TBC1D5: variants seen among roughly 807,000 people sequenced by gnomAD.
TBC1D5 encodes the protein TBC1 domain family member 5, also known as TBC1 domain family, member 5.
Under a neutral mutation model 100.3 loss-of-function variants are expected in TBC1D5, and 75 were observed. That is an observed-to-expected ratio of 0.75 (90% confidence interval 0.62 to 0.91). The LOEUF (loss-of-function observed/expected upper bound fraction) is 0.91, where lower values mean the gene tolerates loss of function less well. Among genes scored for constraint, TBC1D5 ranks in the 40% least tolerant of loss-of-function variants. The pLI, the probability that TBC1D5 is intolerant of heterozygous loss-of-function variation, is 0.00. For synonymous variants in TBC1D5, 323 were observed against 325.6 expected (o/e 0.99, Z 0.09); for missense variants, 910 against 942.4 (o/e 0.97, Z 0.45).
At chr3:17,211,021 T>C (rs1210260214) in intron 18 of TBC1D5, among the ~76,000 whole-genome samples, 1 of 152,202 alleles carries the variant, frequency 6.6e-6, no homozygotes, top group Admixed American at 6.5e-5. Flanking sequence ...TATTAAAATA[T>C]GATTTTTGTT....
intron 1 of TBC1D5, among the ~76,000 whole-genome samples, chr3:17,706,869 T>TA (rs1267188016): frequency 2.8e-4 from 43 of 151,070 alleles, no homozygotes; most frequent in Admixed American, 6.6e-4. Flanking sequence ...CTTTTTTTTT[T>TA]AAAAAAAGTC....
rs905325127 is a variant in TBC1D5, at chr3:17,590,595, C to G, written c.-36+33254G>C. On this transcript the variant is annotated intron_variant, in intron 2 of 21. Transcript: ENST00000253692. ...AGATTTGTGAGGGCAGCACCTGCAT[C>G]TTTCAAGAGCCCTATAATTGCTCTT... is the stretch of plus-strand genomic sequence containing the variant. Among the ~76,000 whole-genome samples the G allele has an allele frequency of 2.6e-5, 4 of 152,154 alleles. No individual in the cohort carries two copies. The South Asian group carries it at 6.2e-4, about 24-fold the overall frequency.
At chr3:17,437,482 A>C (rs1204813638) in intron 3 of TBC1D5, among the ~76,000 whole-genome samples, 1 of 152,110 alleles carries the variant, frequency 6.6e-6, no homozygotes, top group South Asian at 2.1e-4. Flanking sequence ...TCTACCACCC[A>C]CATCTATTAC....
At chr3:17,234,431 GAA>G (rs36030574) in intron 17 of TBC1D5, among the ~76,000 whole-genome samples, 1 of 144,800 alleles carries the variant, frequency 6.9e-6, no homozygotes. Flanking sequence ...AAGGAAACAG[GAA>G]AAAAAAAAAA....
chr3:17,573,661 G>C (rs1337026827), intron 2 of TBC1D5, among the ~76,000 whole-genome samples: 1 of 151,786 alleles, frequency 6.6e-6, no homozygotes, highest in African/African-American at 2.4e-5. Context: ...CCATTTCTGG[G>C]CCACCCCAGG....
chr3:17,301,779 G>C (rs2082869734), intron 14 of TBC1D5, among the ~76,000 whole-genome samples: 1 of 152,176 alleles, frequency 6.6e-6, no homozygotes, highest in Admixed American at 6.5e-5. Flanking sequence ...CTGAAAATAG[G>C]AGTAAGATTT....
chr3:17,161,029 G>A, exon 22 of TBC1D5: 1 of 1,614,250 alleles, frequency 6.2e-7, no homozygotes. Flanking sequence ...CAGGACTGGA[G>A]CTGGGGTTGC....
intron 13 of TBC1D5, among the ~76,000 whole-genome samples, chr3:17,313,314 C>T (rs1230566677): frequency 6.6e-6 from 1 of 152,110 alleles, no homozygotes; most frequent in African/African-American, 2.4e-5. Flanking sequence ...ATTAAATATA[C>T]AAAGAGTTAA....
intron 4 of TBC1D5, among the ~76,000 whole-genome samples, chr3:17,407,871 C>T (rs1179444109): frequency 6.6e-6 from 1 of 152,100 alleles, no homozygotes; most frequent in Non-Finnish European, 1.5e-5. Flanking sequence ...ATCACCACTC[C>T]ACAAAAATTT....
chr3:17,508,454 T>C lies in TBC1D5; in HGVS notation c.97+20A>G. 1 of 1,588,574 alleles carries C rather than the reference T, an allele frequency of 6.3e-7. No individual in the cohort carries two copies. Among genetic ancestry groups the C allele is most frequent in the Non-Finnish European group, 8.6e-7 (1 of 1,157,190 alleles). ...TTCCCAGTACACTACCTACAAATAG[T>C]ATTGGCATACAAAACTCACCTCCAG... On this transcript the variant is annotated intron_variant, in intron 3 of 21. Transcript: ENST00000253692.
Position 17,299,585 on chromosome 3 carries a change from G to A in TBC1D5, c.1139-7584C>T, listed in dbSNP as rs551641217. Among the ~76,000 whole-genome samples, 4 of 152,258 alleles carry A rather than the reference G, an allele frequency of 2.6e-5. No homozygotes were observed. In the South Asian group the frequency reaches 8.3e-4, roughly 32 times the overall value. On this transcript the variant is annotated intron_variant, in intron 14 of 21. Transcript: ENST00000253692. The stretch of plus-strand genomic sequence containing the variant: ...AAAAAATGTGTCATTCTGGCCGGGT[G>A]CGGTGGCTCACGCCTGTAATCCCAG...
At chr3:17,570,761 G>A (rs1349377292) in intron 2 of TBC1D5, among the ~76,000 whole-genome samples, 1 of 151,806 alleles carries the variant, frequency 6.6e-6, no homozygotes, top group Non-Finnish European at 1.5e-5. Context: ...TTATTGTACT[G>A]CAGTATCATA....
chr3:17,440,662 G>A (rs1437291397), intron 3 of TBC1D5, among the ~76,000 whole-genome samples: 1 of 151,876 alleles, frequency 6.6e-6, no homozygotes, highest in Non-Finnish European at 1.5e-5. Context: ...TGTTTTTTGA[G>A]GCAGAGTCTC....
chr3:17,345,473 GA>G (rs1165874903), intron 13 of TBC1D5, among the ~76,000 whole-genome samples: 4 of 152,232 alleles, frequency 2.6e-5, no homozygotes, highest in African/African-American at 9.6e-5. Flanking sequence ...CTGTTGGTGG[GA>G]CGGTAAACTA....
intron 1 of TBC1D5, among the ~76,000 whole-genome samples, chr3:17,680,233 C>T (rs901674124): frequency 6.7e-6 from 1 of 148,948 alleles, no homozygotes; most frequent in Non-Finnish European, 1.5e-5. Context: ...TATGTATATT[C>T]GCTTTTTTTT....
At chr3:17,337,329 G>A (rs977912165) in intron 13 of TBC1D5, 3 of 151,990 alleles carry the variant, frequency 2.0e-5, no homozygotes, top group Admixed American at 1.3e-4. Context: ...AAACTATCTA[G>A]GTCTGGGGTA....
chr3:17,637,619 CA>C lies in TBC1D5; in HGVS notation c.-100-13707del, dbSNP rs1265475505. On this transcript the variant is annotated intron_variant, in intron 1 of 21. Transcript: ENST00000253692. ...AGTAGAAAAAAGGACAAAAAGTGAA[CA>C]AAAAAAAAGTTTTTAAGGGACACAT... Among the ~76,000 whole-genome samples, 7 of 150,120 alleles carry C rather than the reference CA, an allele frequency of 4.7e-5. No homozygotes were observed. In the South Asian group the frequency reaches 8.4e-4, roughly 18 times the overall value.
At chr3:17,179,004 C>A (rs1660443287) in intron 19 of TBC1D5, among the ~76,000 whole-genome samples, 1 of 151,968 alleles carries the variant, frequency 6.6e-6, no homozygotes, top group Admixed American at 6.6e-5. Context: ...TCGCTATTCA[C>A]AGGCCGGATC....
chr3:17,281,495 G>A (rs894710233), intron 15 of TBC1D5, among the ~76,000 whole-genome samples: 1 of 152,190 alleles, frequency 6.6e-6, no homozygotes, highest in Admixed American at 6.5e-5. Flanking sequence ...GCTCACCCAC[G>A]CGTACGAAGT....
Sources: allele counts gnomAD v4.1 joint callset (sites outside exome capture counted in the v4.1 genomes callset), GRCh38; gene constraint gnomAD v4.1.1; transcripts MANE v1.5; gene names NCBI Gene and HGNC (gene_info 2026-07-23, HGNC 2026-07-21).